The following NDST4 variants were observed in gnomAD, a reference collection of about 807,000 sequenced individuals.
NDST4 encodes N-heparan sulfate sulfotransferase 4.
NDST4 carries 63 observed loss-of-function variants against 100.8 expected under a neutral mutation model. That is an observed-to-expected ratio of 0.62 (90% CI 0.51 to 0.77). The LOEUF (loss-of-function observed/expected upper bound fraction) is 0.77, where lower values mean the gene tolerates loss of function less well. NDST4 is among the 30% of genes least tolerant of loss of function. NDST4 has a pLI of 0.00. For missense variants in NDST4, 943 were observed against 1,018.4 expected (o/e 0.93, Z 1.01); for synonymous variants, 377 against 361.8 (o/e 1.04, Z -0.48).
In NDST4 at chr4:115,006,302, G is replaced by A. The variant is rs180710968; in HGVS notation, c.979-29028C>T. On this transcript the variant is annotated intron_variant, in intron 2 of 13. Transcript: ENST00000264363. ...AATTTCATCCTCAAAGTAATAGGGT[G>A]CCATTTAATATCTTTAATCAGGGGA... Among the ~76,000 whole-genome samples, 11 of 152,014 alleles carry A rather than the reference G, an allele frequency of 7.2e-5. No homozygotes were observed. The East Asian group carries it at 2.1e-3, about 30-fold the overall frequency.
intron 2 of NDST4, among the ~76,000 whole-genome samples, chr4:115,017,524 C>A (rs900182798): frequency 1.3e-5 from 2 of 152,030 alleles, no homozygotes; most frequent in African/African-American, 4.8e-5. Flanking sequence ...TTTCAAATAT[C>A]ATCTTCTGCC....
chr4:114,836,523 A>T (rs1560771132), intron 11 of NDST4, among the ~76,000 whole-genome samples: 1 of 152,114 alleles, frequency 6.6e-6, no homozygotes, highest in African/African-American at 2.4e-5. Flanking sequence ...AGGTAACCTG[A>T]CCTTTCTCTC....
intron 2 of NDST4, among the ~76,000 whole-genome samples, chr4:114,994,224 A>T (rs550717595): frequency 6.6e-6 from 1 of 152,020 alleles, no homozygotes; most frequent in African/African-American, 2.4e-5. Flanking sequence ...AACAAACAAA[A>T]CAGAATAAAG....
intron 1 of NDST4, among the ~76,000 whole-genome samples, chr4:115,082,936 G>T (rs76773814): frequency 1.3e-5 from 2 of 152,168 alleles, no homozygotes; most frequent in African/African-American, 4.8e-5. Flanking sequence ...GAGAAAAATT[G>T]TAGAGGTGAA....
chr4:114,982,514 T>G (rs1341276258), intron 2 of NDST4, among the ~76,000 whole-genome samples: 2 of 152,084 alleles, frequency 1.3e-5, no homozygotes, highest in African/African-American at 2.4e-5. Flanking sequence ...AGAAGCAAAG[T>G]GTTGAAGATA....
intron 4 of NDST4, among the ~76,000 whole-genome samples, chr4:114,969,080 A>AT: frequency 6.6e-6 from 1 of 152,196 alleles, no homozygotes; most frequent in Admixed American, 6.5e-5. Flanking sequence ...GCAACAAATG[A>AT]TTTTTTAAAC....
intron 6 of NDST4, among the ~76,000 whole-genome samples, chr4:114,885,750 T>C (rs1379648695): frequency 6.6e-6 from 1 of 152,102 alleles, no homozygotes; most frequent in Admixed American, 6.6e-5. Context: ...TGATACTGCT[T>C]ACTGTATTTT....
Position 115,077,055 on chromosome 4 carries a change from G to T in NDST4, c.-19C>A. ...GATTCATTTTTTAGAATAATGTTTTGGAAGCTTTTTCCCAATTTCGTTTCC... is the reference window on the plus strand; with the variant it reads ...GATTCATTTTTTAGAATAATGTTTTTGAAGCTTTTTCCCAATTTCGTTTCC... On this transcript the variant is annotated 5_prime_UTR_variant, in exon 2 of 14. Transcript: ENST00000264363. 6.4e-7 allele frequency: 1 copy of T among 1,565,072 alleles called. No homozygotes were observed.
chr4:114,860,815 A>G (rs1723903204), intron 7 of NDST4, among the ~76,000 whole-genome samples: 1 of 152,242 alleles, frequency 6.6e-6, no homozygotes. Flanking sequence ...GAAGATAAGG[A>G]GCTTGTGCAA....
At chr4:114,937,570 C>T in intron 4 of NDST4, 67 bp from the exon 5 acceptor site, 1 of 1,286,576 alleles carries the variant, frequency 7.8e-7, no homozygotes, top group Non-Finnish European at 1.1e-6. Flanking sequence ...ATCATTTCCA[C>T]CAACATCTAT....
chr4:114,948,825 C>A (rs1307637451), intron 4 of NDST4, among the ~76,000 whole-genome samples: 2 of 152,014 alleles, frequency 1.3e-5, no homozygotes, highest in Non-Finnish European at 2.9e-5. Flanking sequence ...TGAAGATGTT[C>A]AGCTACTATA....
intron 6 of NDST4, among the ~76,000 whole-genome samples, chr4:114,900,911 T>C (rs1334237612): frequency 1.3e-5 from 2 of 152,150 alleles, no homozygotes; most frequent in Non-Finnish European, 2.9e-5. Context: ...CATGTGTTAT[T>C]GAGAAGTGTG....
intron 2 of NDST4, among the ~76,000 whole-genome samples, chr4:115,041,645 T>C (rs1728353694): frequency 6.6e-6 from 1 of 152,148 alleles, no homozygotes; most frequent in African/African-American, 2.4e-5. Flanking sequence ...GTTAATTTAA[T>C]CACAGACCTT....
At chr4:114,933,269 C>T (rs1158196079) in intron 6 of NDST4, among the ~76,000 whole-genome samples, 1 of 151,978 alleles carries the variant, frequency 6.6e-6, no homozygotes, top group Non-Finnish European at 1.5e-5. Context: ...TGAATATCCC[C>T]ATACAGAAGA....
intron 11 of NDST4, among the ~76,000 whole-genome samples, chr4:114,835,246 T>C (rs1560770401): frequency 6.6e-6 from 1 of 152,202 alleles, no homozygotes; most frequent in Non-Finnish European, 1.5e-5. Context: ...AGCTTTCTGT[T>C]GTCATTTAGT....
intron 6 of NDST4, among the ~76,000 whole-genome samples, chr4:114,933,208 A>T (rs540179214): frequency 5.5e-4 from 84 of 152,248 alleles, no homozygotes; most frequent in African/African-American, 1.9e-3. Context: ...GGTTGCAAGA[A>T]TACAGAATGA....
intron 1 of NDST4, among the ~76,000 whole-genome samples, chr4:115,105,040 G>A (rs1284008112): frequency 6.6e-6 from 1 of 152,160 alleles, no homozygotes; most frequent in Admixed American, 6.6e-5. Flanking sequence ...AAGCAGAGAA[G>A]AGTTAGAATT....
At chr4:114,880,124 A>G (rs148511146) in intron 6 of NDST4, among the ~76,000 whole-genome samples, 1 of 152,314 alleles carries the variant, frequency 6.6e-6, no homozygotes, top group Non-Finnish European at 1.5e-5. Flanking sequence ...GGCTCCTGCT[A>G]TATTTCAGTG....
intron 2 of NDST4, among the ~76,000 whole-genome samples, chr4:115,074,248 G>A (rs1427457606): frequency 6.6e-6 from 1 of 151,972 alleles, no homozygotes; most frequent in Non-Finnish European, 1.5e-5. Flanking sequence ...TTGAGTAGCA[G>A]TGAGTGACAA....
Sources: allele counts gnomAD v4.1 joint callset (sites outside exome capture counted in the v4.1 genomes callset), GRCh38; gene constraint gnomAD v4.1.1; transcripts MANE v1.5; gene names NCBI Gene and HGNC (gene_info 2026-07-23, HGNC 2026-07-21).